The following LMO3 variants were observed in gnomAD, a reference collection of about 807,000 sequenced individuals.
LMO3 encodes LIM domain only protein 3.
In LMO3, 2 loss-of-function variants were observed where a neutral mutation model predicts 15.8. The ratio of observed to expected loss-of-function variants is 0.13; its 90% confidence interval spans 0.05 to 0.40. The LOEUF (loss-of-function observed/expected upper bound fraction) is 0.40, where lower values mean the gene tolerates loss of function less well. LMO3 is among the 10% of genes least tolerant of loss of function. LMO3 has a pLI of 0.99. For synonymous variants in LMO3, 62 were observed against 63.8 expected (o/e 0.97, Z 0.13); for missense variants, 86 against 182.2 (o/e 0.47, Z 3.04).
At chr12:16,568,725 C>T (rs1296186642) in intron 2 of LMO3, among the ~76,000 whole-genome samples, 1 of 152,140 alleles carries the variant, frequency 6.6e-6, no homozygotes, top group African/African-American at 2.4e-5. Flanking sequence ...TCCTTGGCTA[C>T]TTTGGCTACT....
rs998474081 is a variant in LMO3 at position 16,587,169 on chromosome 12, C to G, written c.206+13486G>C. Among the ~76,000 whole-genome samples the G allele has an allele frequency of 2.0e-5, 3 of 152,100 alleles. No individual in the cohort carries two copies. Among genetic ancestry groups the G allele is most frequent in the Non-Finnish European group, 4.4e-5 (3 of 68,026 alleles). ...GCAATTGTGGGTGCTGCTGACCTGTCAATCTCAAATATATTCATAAGCTAC... is the reference window on the plus strand; with the variant it reads ...GCAATTGTGGGTGCTGCTGACCTGTGAATCTCAAATATATTCATAAGCTAC... On this transcript the variant is annotated intron_variant, in intron 2 of 3. Coordinates refer to ENST00000537304, the MANE Select transcript of LMO3 (RefSeq NM_018640.5). The surrounding 1 kb of genome is among the most constrained non-coding windows in gnomAD (Gnocchi z 4.3).
Position 16,604,488 on chromosome 12 carries a change from A to T in LMO3, c.-9+1578T>A, listed in dbSNP as rs1943924419. The stretch of plus-strand genomic sequence containing the variant: ...TTAATTACAGTTACCATGGCAGCAA[A>T]GTGCTAGTGCTTGGCAAAGGCCAAC... On this transcript the variant is annotated intron_variant, in intron 1 of 3. Coordinates refer to ENST00000537304, the MANE Select transcript of LMO3 (RefSeq NM_018640.5). The surrounding 1 kb of genome is among the most constrained non-coding windows in gnomAD (Gnocchi z 5.3). The T allele has an allele frequency of 4.8e-6, 1 of 206,382 alleles. No individual in the cohort carries two copies. Among genetic ancestry groups the T allele is most frequent in the African/African-American group, 2.3e-5 (1 of 43,300 alleles). The allele number at this position is 206,382 out of a possible 1,614,324, so 12.8% of individuals were successfully genotyped here.
At position 16,559,623 on chromosome 12, in the gene LMO3, A is replaced by C. The variant is rs942017730; in HGVS notation, c.332+790T>G. ...TCAAAGATATTTGAAGTAACTGCAA[A>C]AGTACATATAGGACAGGGTTAAAAT... On this transcript the variant is annotated intron_variant, in intron 3 of 3. Transcript: ENST00000537304. The surrounding 1 kb of genome is among the most constrained non-coding windows in gnomAD (Gnocchi z 4.1). 6.6e-6 allele frequency among the ~76,000 whole-genome samples: 1 copy of C among 152,082 alleles called. No homozygotes were observed. Among genetic ancestry groups the C allele is most frequent in the African/African-American group, 2.4e-5 (1 of 41,404 alleles).
chr12:16,565,887 T>C (rs1555116241), intron 2 of LMO3, among the ~76,000 whole-genome samples: 2 of 149,946 alleles, frequency 1.3e-5, no homozygotes, highest in Non-Finnish European at 3.0e-5. Context: ...AAGAGATATC[T>C]GCACTCTCGT....
At position 16,603,829 on chromosome 12, in the gene LMO3, A is replaced by G. The variant is rs889422695; in HGVS notation, c.-9+2237T>C. Among the ~76,000 whole-genome samples, 3 of 152,180 alleles carry G rather than the reference A, an allele frequency of 2.0e-5. No individual in the cohort carries two copies. The highest frequency in any genetic ancestry group is 2.0e-4 in the Admixed American group (3 of 15,274). On this transcript the variant is annotated intron_variant, in intron 1 of 3. Transcript: ENST00000537304. The surrounding 1 kb of genome is among the most constrained non-coding windows in gnomAD (Gnocchi z 4.9). ...CAAAGTAACCACAACTCCACAACACACAGGGGTTTAAAAAAAATAATAATA... is the reference window on the plus strand; with the variant it reads ...CAAAGTAACCACAACTCCACAACACGCAGGGGTTTAAAAAAAATAATAATA...
chr12:16,594,364 A>T, intron 2 of LMO3: 1 of 1,091,892 alleles, frequency 9.2e-7, no homozygotes, highest in East Asian at 2.6e-5. Context: ...GAAAAAGGCC[A>T]TTTATAGAGA....
rs1266167660 is a variant in LMO3 at position 16,585,194 on chromosome 12, C to G, written c.206+15461G>C. Among the ~76,000 whole-genome samples the G allele has an allele frequency of 6.6e-6, 1 of 152,158 alleles. No individual in the cohort carries two copies. The highest frequency in any genetic ancestry group is 1.5e-5 in the Non-Finnish European group (1 of 68,042). On this transcript the variant is annotated intron_variant, in intron 2 of 3. Coordinates refer to ENST00000537304, the MANE Select transcript of LMO3 (RefSeq NM_018640.5). The surrounding 1 kb of genome is among the most constrained non-coding windows in gnomAD (Gnocchi z 4.7). The stretch of plus-strand genomic sequence containing the variant: ...TATTTTTCCTTCCAGACTCCGGAAC[C>G]TGGAGGCAATTGAGTTTGTAATTCC...
intron 2 of LMO3, among the ~76,000 whole-genome samples, chr12:16,565,753 A>G (rs1411180716): frequency 1.3e-5 from 2 of 151,712 alleles, no homozygotes; most frequent in Non-Finnish European, 1.5e-5. Flanking sequence ...GAGATTGCAA[A>G]TGAGTACAGC....
In LMO3 at chr12:16,600,871, A is replaced by G. The variant is rs757145804; in HGVS notation, c.-8-3T>C. On this transcript the variant is annotated splice_polypyrimidine_tract_variant and splice_region_variant and intron_variant, in intron 1 of 3. Transcript: ENST00000537304. ...CTGGACTGAGAGCATTTGTATACCT[A>G]AAGGAAGACAAAAGCAAAAAAGAGA... 6.2e-6 allele frequency: 10 copies of G among 1,611,098 alleles called. No homozygotes were observed. In the South Asian group the frequency reaches 9.9e-5, roughly 16 times the overall value.
chr12:16,577,887 G>C (rs2137507230), intron 2 of LMO3, among the ~76,000 whole-genome samples: 1 of 152,156 alleles, frequency 6.6e-6, no homozygotes, highest in African/African-American at 2.4e-5. Flanking sequence ...GCCAGATTTA[G>C]GATCACAAAT....
intron 2 of LMO3, among the ~76,000 whole-genome samples, chr12:16,595,359 A>G (rs1943615545): frequency 6.6e-6 from 1 of 151,474 alleles, no homozygotes; most frequent in African/African-American, 2.4e-5. Flanking sequence ...GATATTGCAG[A>G]TAAATTTACC....
rs1941896307 is a variant in LMO3 at position 16,549,174 on chromosome 12, C to T, written c.*2048G>A. 1 of 152,102 alleles carries T rather than the reference C, an allele frequency of 6.6e-6. No homozygotes were observed. Among genetic ancestry groups the T allele is most frequent in the Admixed American group, 6.6e-5 (1 of 15,246 alleles). 9.4% of individuals were successfully genotyped at this position (152,102 alleles called of 1,614,324 possible). A position where few individuals can be genotyped will look rare whatever the true frequency, so the allele number is the denominator to read the frequency against. The stretch of plus-strand genomic sequence containing the variant: ...AGAAAACCACTTTTCACTGATCTCT[C>T]CCCCACATATTTTTAATTTGTCTTG... On this transcript the variant is annotated 3_prime_UTR_variant, in exon 4 of 4. Transcript: ENST00000537304.
Position 16,604,860 on chromosome 12 carries a change from CT to C in LMO3, c.-9+1205del. 1 of 1,598,424 alleles carries C rather than the reference CT, an allele frequency of 6.3e-7. No homozygotes were observed. Among genetic ancestry groups the C allele is most frequent in the South Asian group, 1.1e-5 (1 of 91,080 alleles). ...AAGTGCATCTATGATAGACTGTAAC[CT>C]TACCAAAACTTTTCTCCTTTTTCTG... On this transcript the variant is annotated intron_variant, in intron 1 of 3. Coordinates refer to ENST00000537304, the MANE Select transcript of LMO3 (RefSeq NM_018640.5). The surrounding 1 kb of genome is among the most constrained non-coding windows in gnomAD (Gnocchi z 5.3).
rs1429721351 is a variant in LMO3 at position 16,603,521 on chromosome 12, AT to A, written c.-9+2544del. On this transcript the variant is annotated intron_variant, in intron 1 of 3. Coordinates refer to ENST00000537304, the MANE Select transcript of LMO3 (RefSeq NM_018640.5). The surrounding 1 kb of genome is among the most constrained non-coding windows in gnomAD (Gnocchi z 4.9). ...CATCAGAACTCATAACTAGTTTTAG[AT>A]TGGCATGTAAATTGTTCTGAGGGAA... 3.3e-5 allele frequency among the ~76,000 whole-genome samples: 5 copies of A among 152,168 alleles called. No homozygotes were observed. The highest frequency in any genetic ancestry group is 5.9e-5 in the Non-Finnish European group (4 of 68,026).
chr12:16,563,735 G>C (rs761763179), intron 2 of LMO3, among the ~76,000 whole-genome samples: 3 of 152,058 alleles, frequency 2.0e-5, no homozygotes, highest in Admixed American at 1.3e-4. Context: ...AGAGTTCTTA[G>C]TCGTACACTG....
chr12:16,603,174 T>G lies in LMO3; in HGVS notation c.-8-2306A>C, dbSNP rs533852335. Among the ~76,000 whole-genome samples the G allele has an allele frequency of 5.3e-5, 8 of 152,324 alleles. No homozygotes were observed. In the South Asian group the frequency reaches 1.7e-3, roughly 32 times the overall value. ...ACAAAATGTTTTTGTTGTGTTGACA[T>G]TTTAATTTAGCACTCAGAGGCCAAT... On this transcript the variant is annotated intron_variant, in intron 1 of 3. Transcript: ENST00000537304. This position sits in a 1 kb window ranked among gnomAD's most constrained non-coding sequence, Gnocchi z 4.9.
intron 1 of LMO3, among the ~76,000 whole-genome samples, chr12:16,602,570 T>A (rs1459868940): frequency 6.6e-6 from 1 of 152,238 alleles, no homozygotes; most frequent in Non-Finnish European, 1.5e-5. Context: ...ACAGCTGGAT[T>A]TGTAAGAAGA....
intron 2 of LMO3, among the ~76,000 whole-genome samples, chr12:16,577,624 C>A (rs1301697135): frequency 6.6e-6 from 1 of 152,066 alleles, no homozygotes; most frequent in Non-Finnish European, 1.5e-5. Context: ...TGGAAGAGGA[C>A]AAGTAAGAAT....
At chr12:16,564,808 T>C (rs1942534321) in intron 2 of LMO3, among the ~76,000 whole-genome samples, 2 of 152,214 alleles carry the variant, frequency 1.3e-5, no homozygotes, top group South Asian at 4.1e-4. Context: ...TATTTTATTT[T>C]AGAGTCTCAC....
Sources: gnomAD v4.1 joint callset for allele counts (sites outside exome capture counted in the v4.1 genomes callset) on GRCh38, gnomAD v4.1.1 for gene constraint, Gnocchi (gnomAD v3.1) non-coding constraint, MANE v1.5 for transcripts, NCBI Gene and HGNC (gene_info 2026-07-23, HGNC 2026-07-21) for gene names.